HSD17B12: variants seen among roughly 807,000 people sequenced by gnomAD.
HSD17B12 encodes very-long-chain 3-oxoacyl-CoA reductase.
A neutral mutation model predicts 39.3 loss-of-function variants in HSD17B12; 32 were observed. The observed-to-expected ratio is 0.81, with a 90% confidence interval of 0.61 to 1.09. HSD17B12 has a LOEUF of 1.09. Among genes scored for constraint, HSD17B12 ranks in the 50% least tolerant of loss-of-function variants. The pLI is 0.00. For missense variants in HSD17B12, 342 were observed against 382.9 expected, an observed-to-expected ratio of 0.89 and a Z score of 0.89; for synonymous variants, 150 against 146.7, an observed-to-expected ratio of 1.02 and a Z score of -0.16.
rs191961422 is a variant in HSD17B12 at position 43,730,304 on chromosome 11, G to T, written c.161-20607G>T. ...AATCTCTGTAACTGAGAAATATTGT[G>T]CTGGATTATATGAAGCCCCTTTAAA... On this transcript the variant is annotated intron_variant, in intron 1 of 10. Transcript: ENST00000278353. 1.9e-3 allele frequency among the ~76,000 whole-genome samples: 285 copies of T among 152,238 alleles called. 2 individuals carry two copies. The highest frequency in any genetic ancestry group is 6.5e-3 in the African/African-American group (272 of 41,540).
At chr11:43,580,481 T>C in the HSD17B12 span, among the ~76,000 whole-genome samples, 1 of 152,114 alleles carries the variant, frequency 6.6e-6, no homozygotes, top group Admixed American at 6.5e-5. Flanking sequence ...GGGAGGAGCT[T>C]CACCTAGTTG....
At chr11:43,772,018 A>G (rs1950655196) in intron 3 of HSD17B12, among the ~76,000 whole-genome samples, 1 of 107,714 alleles carries the variant, frequency 9.3e-6, no homozygotes, top group African/African-American at 3.3e-5. Flanking sequence ...TTTTACAAGT[A>G]ATTGCATATA....
the HSD17B12 span, among the ~76,000 whole-genome samples, chr11:43,659,907 A>C: frequency 7.9e-5 from 12 of 152,266 alleles, no homozygotes; most frequent in Middle Eastern, 0.01. Context: ...TGCCAAAGTC[A>C]ATTTTTTTAC....
rs541021308 is a variant in HSD17B12, at chr11:43,803,290, A to G, written c.391+4863A>G. Among the ~76,000 whole-genome samples the G allele has an allele frequency of 2.6e-5, 4 of 152,258 alleles. No individual in the cohort carries two copies. In the East Asian group the frequency reaches 7.7e-4, roughly 29 times the overall value. ...ATTACCTGAATTTATAGCCCCATCAACTTTCTTCTCTCCCGCATCCCCATC... is the reference window on the plus strand; with the variant it reads ...ATTACCTGAATTTATAGCCCCATCAGCTTTCTTCTCTCCCGCATCCCCATC... On this transcript the variant is annotated intron_variant, in intron 4 of 10. Coordinates refer to ENST00000278353, the MANE Select transcript of HSD17B12 (RefSeq NM_016142.3).
the HSD17B12 span, among the ~76,000 whole-genome samples, chr11:43,663,191 C>G: frequency 1.3e-5 from 2 of 152,118 alleles, no homozygotes; most frequent in Admixed American, 6.5e-5. Flanking sequence ...CCTCCCGTTT[C>G]CGGATTCAAG....
At chr11:43,593,367 T>C in the HSD17B12 span, among the ~76,000 whole-genome samples, 1 of 152,220 alleles carries the variant, frequency 6.6e-6, no homozygotes, top group Non-Finnish European at 1.5e-5. Flanking sequence ...AGTCTTTTAA[T>C]CAAAAATAGG....
chr11:43,672,429 A>G, the HSD17B12 span, among the ~76,000 whole-genome samples: 1 of 152,316 alleles, frequency 6.6e-6, no homozygotes, highest in Admixed American at 6.5e-5. Context: ...CAAGAAGGTT[A>G]ACTTAAAGAG....
chr11:43,574,811 C>T, the HSD17B12 span, among the ~76,000 whole-genome samples: 57 of 152,312 alleles, frequency 3.7e-4, no homozygotes, highest in Middle Eastern at 3.4e-3. Context: ...AACGTCACCT[C>T]GCCTTAAAAA....
chr11:43,792,553 G>A (rs1950877449), intron 3 of HSD17B12, among the ~76,000 whole-genome samples: 1 of 151,998 alleles, frequency 6.6e-6, no homozygotes, highest in South Asian at 2.1e-4. Flanking sequence ...CAAGCTTAGA[G>A]TACTTTATTC....
intron 3 of HSD17B12, among the ~76,000 whole-genome samples, chr11:43,758,387 G>A (rs1950529536): frequency 6.6e-6 from 1 of 152,150 alleles, no homozygotes. Context: ...GGGAGGTTCA[G>A]AGTAGCTTGG....
chr11:43,565,061 G>A, the HSD17B12 span, among the ~76,000 whole-genome samples: 1 of 151,982 alleles, frequency 6.6e-6, no homozygotes, highest in Non-Finnish European at 1.5e-5. Context: ...CACCAAGCCT[G>A]GCTAGTTTTT....
At chr11:43,806,221 C>G (rs1951016778) in intron 4 of HSD17B12, 1 of 152,194 alleles carries the variant, frequency 6.6e-6, no homozygotes, top group Non-Finnish European at 1.5e-5. Context: ...AACTTGATCT[C>G]CAATCCTCCT....
the HSD17B12 span, among the ~76,000 whole-genome samples, chr11:43,603,484 TA>T: frequency 6.6e-6 from 1 of 152,180 alleles, no homozygotes; most frequent in African/African-American, 2.4e-5. Flanking sequence ...GGAATTACAT[TA>T]ATTTGGAAAA....
chr11:43,590,382 G>A, the HSD17B12 span, among the ~76,000 whole-genome samples: 1 of 148,704 alleles, frequency 6.7e-6, no homozygotes, highest in African/African-American at 2.5e-5. Flanking sequence ...TAACCAGTAG[G>A]GGAACCATGA....
At chr11:43,849,975 G>T (rs116322494) in intron 9 of HSD17B12, among the ~76,000 whole-genome samples, 2 of 152,178 alleles carry the variant, frequency 1.3e-5, no homozygotes, top group Non-Finnish European at 2.9e-5. Context: ...TTGGAGGTAG[G>T]TTATTTACAA....
rs2134765104 is a variant in HSD17B12, at chr11:43,685,046, G to A, written c.160+4059G>A. On this transcript the variant is annotated intron_variant, in intron 1 of 10. Transcript: ENST00000278353. ...ATCTGTACTTCATTTTGTTTGTATT[G>A]CTGAATAATATTCTGTTTTGTGGAG... Among the ~76,000 whole-genome samples, 2 of 152,164 alleles carry A rather than the reference G, an allele frequency of 1.3e-5. 1 individual carries two copies. Among genetic ancestry groups the A allele is most frequent in the South Asian group, 4.1e-4 (2 of 4,824 alleles).
the HSD17B12 span, among the ~76,000 whole-genome samples, chr11:43,561,186 C>T: frequency 2.6e-5 from 4 of 152,158 alleles, no homozygotes; most frequent in African/African-American, 9.7e-5. Context: ...TAGGTTTCAC[C>T]ACCTGAAAGT....
chr11:43,635,281 A>AT, the HSD17B12 span, among the ~76,000 whole-genome samples: 2 of 152,180 alleles, frequency 1.3e-5, no homozygotes, highest in African/African-American at 2.4e-5. Flanking sequence ...TTGAGATAAT[A>AT]TTTTTTGTGC....
the HSD17B12 span, among the ~76,000 whole-genome samples, chr11:43,640,514 T>C: frequency 0.011 from 1,681 of 152,236 alleles, 11 homozygotes; most frequent in South Asian, 0.023. Flanking sequence ...AAAATTGATT[T>C]GAAGATAGAA....
Sources: allele counts gnomAD v4.1 joint callset (sites outside exome capture counted in the v4.1 genomes callset), GRCh38; gene constraint gnomAD v4.1.1; transcripts MANE v1.5; gene names NCBI Gene and HGNC (gene_info 2026-07-23, HGNC 2026-07-21).